Variants in PTPRO observed in about 807,000 individuals in gnomAD.
PTPRO encodes protein tyrosine phosphatase receptor type O.
PTPRO carries 62 observed loss-of-function variants against 145.2 expected under a neutral mutation model. That is an observed-to-expected ratio of 0.43 (90% CI 0.35 to 0.53). The LOEUF (loss-of-function observed/expected upper bound fraction) is 0.53. PTPRO is among the 20% of genes least tolerant of loss of function. The pLI, the probability that PTPRO is intolerant of heterozygous loss-of-function variation, is 0.01. For missense variants in PTPRO, 1,345 were observed against 1,482.7 expected (o/e 0.91, Z 1.53); for synonymous variants, 565 against 514.7 (o/e 1.10, Z -1.32).
At chr12:15,402,505 C>A (rs1939525228) in intron 1 of PTPRO, among the ~76,000 whole-genome samples, 1 of 152,120 alleles carries the variant, frequency 6.6e-6, no homozygotes, top group African/African-American at 2.4e-5. Context: ...GATTATAAGA[C>A]CTTCTGAAGG....
chr12:15,549,372 T>G, intron 14 of PTPRO, 146 bp downstream of exon 14: 1 of 543,156 alleles, frequency 1.8e-6, no homozygotes, highest in Non-Finnish European at 2.8e-6. Context: ...TTACTAGCTA[T>G]GGAGTTAGAG....
chr12:15,497,178 A>G, intron 2 of PTPRO, 67 bp from the exon 3 acceptor site: 3 of 1,402,444 alleles, frequency 2.1e-6, no homozygotes, highest in Admixed American at 1.7e-5. Context: ...TGCTTAATTC[A>G]AGTATTGATA....
intron 1 of PTPRO, among the ~76,000 whole-genome samples, chr12:15,347,003 T>TA (rs1219950533): frequency 7.9e-5 from 12 of 152,162 alleles, no homozygotes; most frequent in African/African-American, 2.9e-4. Flanking sequence ...ATCCTTTGCA[T>TA]ATACCATTCT....
In PTPRO at chr12:15,446,634, A is replaced by G. The variant is rs183885404; in HGVS notation, c.76-37340A>G. On this transcript the variant is annotated intron_variant, in intron 1 of 26. Coordinates refer to ENST00000281171, the MANE Select transcript of PTPRO (RefSeq NM_030667.3). ...ATAGGGAATGTTCCTAGTATTAGGAAAAATCATTTTTAACATATAGTAAGC... is the reference window on the plus strand; with the variant it reads ...ATAGGGAATGTTCCTAGTATTAGGAGAAATCATTTTTAACATATAGTAAGC... 5.2e-3 allele frequency among the ~76,000 whole-genome samples: 786 copies of G among 152,014 alleles called. 6 individuals are homozygous for G. The highest frequency in any genetic ancestry group is 6.1e-3 in the Non-Finnish European group (417 of 67,948).
chr12:15,442,350 A>G (rs773285106), intron 1 of PTPRO, among the ~76,000 whole-genome samples: 7 of 152,166 alleles, frequency 4.6e-5, no homozygotes, highest in Non-Finnish European at 8.8e-5. Flanking sequence ...ATACTTCAAA[A>G]TAATAAAAGC....
chr12:15,362,018 G>T (rs1248349133), intron 1 of PTPRO, among the ~76,000 whole-genome samples: 1 of 152,062 alleles, frequency 6.6e-6, no homozygotes, highest in Non-Finnish European at 1.5e-5. Context: ...ATCATAGATC[G>T]GACCTACAAT....
chr12:15,350,449 C>T (rs1565579511), intron 1 of PTPRO, among the ~76,000 whole-genome samples: 1 of 152,136 alleles, frequency 6.6e-6, no homozygotes, highest in Non-Finnish European at 1.5e-5. Flanking sequence ...TCCCACCCTA[C>T]CCCCCAATTA....
chr12:15,578,750 G>A (rs1944241570), intron 19 of PTPRO, 103 bp from the exon 20 acceptor site: 1 of 892,296 alleles, frequency 1.1e-6, no homozygotes, highest in Non-Finnish European at 1.9e-6. Flanking sequence ...GGGAGCTACT[G>A]CAATGTCATA....
At chr12:15,526,568 C>G (rs1942843245) in intron 12 of PTPRO, among the ~76,000 whole-genome samples, 3 of 152,054 alleles carry the variant, frequency 2.0e-5, no homozygotes, top group Admixed American at 1.3e-4. Flanking sequence ...GTTCACAACC[C>G]TATAAGACAA....
intron 1 of PTPRO, among the ~76,000 whole-genome samples, chr12:15,409,614 T>TTC (rs1264076804): frequency 7.0e-4 from 106 of 152,276 alleles, no homozygotes; most frequent in African/African-American, 2.2e-3. Context: ...GTTCTGTAGA[T>TTC]TGTACAGGAA....
chr12:15,552,107 TATTTGTACAGTTTATG>T (rs1171956358), intron 15 of PTPRO, among the ~76,000 whole-genome samples: 2 of 151,756 alleles, frequency 1.3e-5, no homozygotes, highest in Non-Finnish European at 2.9e-5. Flanking sequence ...TATTGGAAAA[TATTTGTACAGTTTATG>T]ATTAGGTCCA....
At chr12:15,498,562 T>A (rs1262975445) in intron 3 of PTPRO, among the ~76,000 whole-genome samples, 1 of 151,966 alleles carries the variant, frequency 6.6e-6, no homozygotes, top group Non-Finnish European at 1.5e-5. Flanking sequence ...CATCTCAAAA[T>A]GAATGAATGA....
In PTPRO at chr12:15,549,189, C is replaced by A. The variant is rs201601507; in HGVS notation, c.2400C>A (p.Ser800Arg). The A allele has an allele frequency of 1.2e-5, 20 of 1,610,190 alleles. No individual in the cohort carries two copies. The highest frequency in any genetic ancestry group is 1.6e-5 in the Non-Finnish European group (19 of 1,179,198). Residue 800 changes from serine to arginine, a missense_variant, in exon 14 of 27, where the codon AGC becomes AGA. Ser to Arg is a moderately radical substitution (Grantham distance 110, BLOSUM62 -1). This residue lies in a region of PTPRO where 1,130 missense variants were observed against 1,214.7 expected (regional missense o/e 0.93). Transcript: ENST00000281171. ...NCSVTSFSHDSPSVPTFIAVS... is the reference protein window; with the variant it reads ...NCSVTSFSHDRPSVPTFIAVS... ...GTGTCACCAGCTTTAGCCATGACAG[C>A]CCCAGTGTCCCTACGTTCATAGCCG...
intron 1 of PTPRO, among the ~76,000 whole-genome samples, chr12:15,381,366 T>G (rs1410623038): frequency 6.6e-6 from 1 of 152,188 alleles, no homozygotes; most frequent in East Asian, 1.9e-4. Flanking sequence ...TCAGAGCAAT[T>G]TAAGTCACAT....
intron 1 of PTPRO, among the ~76,000 whole-genome samples, chr12:15,391,476 C>T (rs76491129): frequency 0.016 from 2,378 of 152,234 alleles, 67 homozygotes; most frequent in African/African-American, 0.054. Flanking sequence ...CTTAGTTGAG[C>T]TGCATTTGTT....
At chr12:15,531,063 AATC>A (rs1438084191) in intron 12 of PTPRO, among the ~76,000 whole-genome samples, 7 of 152,172 alleles carry the variant, frequency 4.6e-5, no homozygotes, top group African/African-American at 1.4e-4. Context: ...AAATACAAAG[AATC>A]ATGAGAGACT....
At chr12:15,523,579 A>C (rs1358783830) in intron 10 of PTPRO, among the ~76,000 whole-genome samples, 1 of 152,100 alleles carries the variant, frequency 6.6e-6, no homozygotes, top group East Asian at 1.9e-4. Context: ...GTTCAAGACA[A>C]GTCTAGGCAA....
intron 1 of PTPRO, among the ~76,000 whole-genome samples, chr12:15,336,684 T>C (rs1866774221): frequency 6.6e-6 from 1 of 152,224 alleles, no homozygotes; most frequent in African/African-American, 2.4e-5. Context: ...CATTTGGCAG[T>C]GTACTGATCT....
chr12:15,377,959 T>A (rs1938737146), intron 1 of PTPRO, among the ~76,000 whole-genome samples: 1 of 152,014 alleles, frequency 6.6e-6, no homozygotes. Context: ...AAAATGAGAA[T>A]GTAACATACT....
Sources: gnomAD v4.1 joint callset for allele counts (sites outside exome capture counted in the v4.1 genomes callset) on GRCh38, gnomAD v4.1.1 for gene constraint, gnomAD v4.1.1 regional missense constraint, MANE v1.5 for transcripts, NCBI Gene and HGNC (gene_info 2026-07-23, HGNC 2026-07-21) for gene names.